PVT1: variants seen among roughly 807,000 people sequenced by gnomAD.
PVT1 encodes Pvt1 oncogene.
At chr8:128,024,467 A>G (rs758788511) in intron 4 of PVT1, among the ~76,000 whole-genome samples, 9 of 152,026 alleles carry the variant, frequency 5.9e-5, no homozygotes, top group South Asian at 4.1e-4. Context: ...TACAAAAAAA[A>G]TAACGGAAAT....
chr8:128,041,254 TTGTGCATGTG>T (rs1813532613), intron 4 of PVT1, among the ~76,000 whole-genome samples: 1 of 149,248 alleles, frequency 6.7e-6, no homozygotes. Flanking sequence ...GTGTGTGTGT[TTGTGCATGTG>T]TGTGCATCTG....
chr8:128,091,162 T>C (rs1162243361), intron 5 of PVT1, among the ~76,000 whole-genome samples: 3 of 152,140 alleles, frequency 2.0e-5, no homozygotes, highest in African/African-American at 7.2e-5. Context: ...GAGTGTTAGG[T>C]CCCTGGGGGC....
At chr8:127,986,874 T>C (rs1816975919) in intron 3 of PVT1, among the ~76,000 whole-genome samples, 2 of 152,222 alleles carry the variant, frequency 1.3e-5, no homozygotes, top group South Asian at 4.1e-4. Context: ...TTGGCTGCCT[T>C]GGAAAGAGGT....
chr8:127,882,027 G>T (rs565195112), intron 2 of PVT1, among the ~76,000 whole-genome samples: 1 of 152,276 alleles, frequency 6.6e-6, no homozygotes, highest in South Asian at 2.1e-4. Context: ...GGCATGAGCC[G>T]CTGTGCCCGG....
At chr8:127,889,275 A>G (rs953114197) in intron 2 of PVT1, among the ~76,000 whole-genome samples, 3 of 151,720 alleles carry the variant, frequency 2.0e-5, no homozygotes, top group Non-Finnish European at 4.4e-5. Context: ...AATTACAGGC[A>G]TGCACCACCA....
chr8:127,855,242 C>T (rs970010557), intron 2 of PVT1: 3 of 398,740 alleles, frequency 7.5e-6, no homozygotes, highest in Non-Finnish European at 1.3e-5. Flanking sequence ...TGGATTGAGC[C>T]GGTGAAGCCC....
At chr8:128,090,903 G>C (rs999679641) in intron 5 of PVT1, among the ~76,000 whole-genome samples, 1 of 152,082 alleles carries the variant, frequency 6.6e-6, no homozygotes, top group African/African-American at 2.4e-5. Flanking sequence ...CATGGAGGTC[G>C]TGGGTGCAGC....
intron 3 of PVT1, among the ~76,000 whole-genome samples, chr8:127,973,828 A>C (rs1254314280): frequency 6.6e-6 from 1 of 151,834 alleles, no homozygotes; most frequent in Non-Finnish European, 1.5e-5. Flanking sequence ...AAATACAAAA[A>C]AATTAGCCGG....
At chr8:128,042,985 A>G (rs1315377688) in intron 4 of PVT1, among the ~76,000 whole-genome samples, 1 of 151,958 alleles carries the variant, frequency 6.6e-6, no homozygotes, top group Non-Finnish European at 1.5e-5. Flanking sequence ...GCTGGTCTCG[A>G]ACTCCTGGCC....
chr8:127,816,541 G>A (rs1182220726), intron 2 of PVT1, among the ~76,000 whole-genome samples: 1 of 149,726 alleles, frequency 6.7e-6, no homozygotes, highest in Middle Eastern at 3.4e-3. Context: ...TTTTGAGATG[G>A]TGTTTCGCTC....
At chr8:127,969,779 CAGAAATA>C (rs1261239029) in intron 3 of PVT1, among the ~76,000 whole-genome samples, 1 of 152,042 alleles carries the variant, frequency 6.6e-6, no homozygotes, top group African/African-American at 2.4e-5. Context: ...AAGTGAGACT[CAGAAATA>C]AGAAACTTGC....
At chr8:128,094,934 G>A (rs908907376) in intron 5 of PVT1, among the ~76,000 whole-genome samples, 3 of 152,204 alleles carry the variant, frequency 2.0e-5, no homozygotes, top group Non-Finnish European at 4.4e-5. Context: ...TGCGTCTTTT[G>A]CGTCTCGTGG....
At chr8:127,969,935 G>C (rs548270812) in intron 3 of PVT1, among the ~76,000 whole-genome samples, 4 of 152,306 alleles carry the variant, frequency 2.6e-5, no homozygotes, top group East Asian at 1.9e-4. Flanking sequence ...CAGTCTGGGC[G>C]ATATTCTTTG....
rs532412564 is a variant in PVT1, at chr8:128,097,491, G to T, written n.1251+837G>T. 1.3e-4 allele frequency among the ~76,000 whole-genome samples: 20 copies of T among 152,268 alleles called. 1 individual carries two copies. The highest frequency in any genetic ancestry group is 9.1e-4 in the Admixed American group (14 of 15,306). The stretch of plus-strand genomic sequence containing the variant: ...TTGAAGAATACAAAAAGAATATTCA[G>T]CAGAGACCATCTGGCTAGCAAAGCC... On this transcript the variant is annotated intron_variant and non_coding_transcript_variant, in intron 6 of 10. Coordinates refer to ENST00000651587, the Ensembl canonical transcript of PVT1.
intron 3 of PVT1, among the ~76,000 whole-genome samples, chr8:127,899,056 ACTGG>A (rs1365780907): frequency 6.6e-6 from 1 of 152,092 alleles, no homozygotes; most frequent in Non-Finnish European, 1.5e-5. Flanking sequence ...ACAAATAAAC[ACTGG>A]CTGGCCCCCA....
chr8:127,958,525 C>T (rs944944909), intron 3 of PVT1, among the ~76,000 whole-genome samples: 2 of 152,224 alleles, frequency 1.3e-5, no homozygotes, highest in Admixed American at 6.5e-5. Flanking sequence ...AGGCATGAGC[C>T]ACCATGCCCG....
At chr8:128,082,256 G>A (rs1814191479) in intron 5 of PVT1, among the ~76,000 whole-genome samples, 1 of 152,190 alleles carries the variant, frequency 6.6e-6, no homozygotes, top group South Asian at 2.1e-4. Context: ...GCTTTAGGGA[G>A]GTTAAGTAAC....
At chr8:128,041,357 C>T (rs887252506) in intron 4 of PVT1, among the ~76,000 whole-genome samples, 2 of 139,234 alleles carry the variant, frequency 1.4e-5, no homozygotes, top group African/African-American at 2.7e-5. Flanking sequence ...GTGTTGTGCT[C>T]ATGTGTTGTT....
intron 2 of PVT1, among the ~76,000 whole-genome samples, chr8:127,825,835 T>C (rs886651168): frequency 6.6e-6 from 1 of 152,024 alleles, no homozygotes; most frequent in Admixed American, 6.6e-5. Context: ...TGCATTTGTA[T>C]CCTCTTTATT....
Sources: allele counts gnomAD v4.1 joint callset (sites outside exome capture counted in the v4.1 genomes callset), GRCh38; gene constraint gnomAD v4.1.1; transcripts MANE v1.5; gene names NCBI Gene and HGNC (gene_info 2026-07-23, HGNC 2026-07-21).